Variants in GABRG3 observed in about 807,000 individuals in gnomAD.
The protein encoded by GABRG3 is gamma-aminobutyric acid type A receptor subunit gamma3.
Under a neutral mutation model 48.8 loss-of-function variants are expected in GABRG3, and 25 were observed. The ratio of observed to expected loss-of-function variants is 0.51; its 90% CI spans 0.37 to 0.72. The LOEUF (loss-of-function observed/expected upper bound fraction) is 0.72, where lower values mean the gene tolerates loss of function less well. Ranked by LOEUF, GABRG3 falls within the 30% of genes least tolerant of loss-of-function variation. The probability of loss-of-function intolerance (pLI) is 0.00; values close to 1 mark genes in which losing one functional copy is unlikely to be tolerated. For synonymous variants in GABRG3, 227 were observed against 217.6 expected, an observed-to-expected ratio of 1.04 and a Z score of -0.38; for missense variants, 394 against 577.9, an observed-to-expected ratio of 0.68 and a Z score of 3.26.
At chr15:27,247,966 C>T (rs1177841547) in intron 3 of GABRG3, among the ~76,000 whole-genome samples, 1 of 152,174 alleles carries the variant, frequency 6.6e-6, no homozygotes, top group Non-Finnish European at 1.5e-5. Context: ...CAGAGCCAAA[C>T]CATAACGCAT....
At chr15:27,316,387 C>CAAAAAAAA (rs749930128) in intron 3 of GABRG3, among the ~76,000 whole-genome samples, 17 of 41,342 alleles carry the variant, frequency 4.1e-4, no homozygotes, top group Non-Finnish European at 7.7e-4. Context: ...GACTCCGTCT[C>CAAAAAAAA]AAAAAAAAAA....
chr15:27,283,742 T>C (rs1251190006), intron 3 of GABRG3, among the ~76,000 whole-genome samples: 1 of 152,144 alleles, frequency 6.6e-6, no homozygotes, highest in Non-Finnish European at 1.5e-5. Context: ...CTGAGGCATA[T>C]GAGGCATAAA....
intron 5 of GABRG3, among the ~76,000 whole-genome samples, chr15:27,383,224 G>C (rs757756788): frequency 1.3e-5 from 2 of 152,168 alleles, no homozygotes; most frequent in African/African-American, 2.4e-5. Flanking sequence ...TTCATCTGAG[G>C]ATAGTACTTT....
intron 5 of GABRG3, among the ~76,000 whole-genome samples, chr15:27,356,480 C>T (rs1181871989): frequency 2.0e-5 from 3 of 152,160 alleles, no homozygotes; most frequent in African/African-American, 7.2e-5. Flanking sequence ...CTCTTCTCTT[C>T]AGACTAATCT....
intron 3 of GABRG3, among the ~76,000 whole-genome samples, chr15:27,200,373 A>G (rs988292401): frequency 1.3e-5 from 2 of 152,162 alleles, no homozygotes; most frequent in African/African-American, 2.4e-5. Flanking sequence ...CTCTTAAAAT[A>G]TATGCTTCCT....
chr15:27,515,717 A>G (rs558175130), intron 6 of GABRG3, among the ~76,000 whole-genome samples: 38 of 152,352 alleles, frequency 2.5e-4, no homozygotes, highest in Non-Finnish European at 3.1e-4. Context: ...GAAATGTGGT[A>G]TCTATGGCAT....
At chr15:27,253,126 C>T (rs1049628891) in intron 3 of GABRG3, among the ~76,000 whole-genome samples, 1 of 152,232 alleles carries the variant, frequency 6.6e-6, no homozygotes, top group African/African-American at 2.4e-5. Context: ...CTCATGTAGT[C>T]ACCGGGCTGC....
intron 3 of GABRG3, among the ~76,000 whole-genome samples, chr15:27,153,078 G>A (rs1055729234): frequency 1.3e-5 from 2 of 152,148 alleles, no homozygotes; most frequent in African/African-American, 4.8e-5. Context: ...GACCAGGATG[G>A]TCTCGATCTC....
At chr15:27,254,973 C>A (rs908606181) in intron 3 of GABRG3, among the ~76,000 whole-genome samples, 5 of 152,098 alleles carry the variant, frequency 3.3e-5, no homozygotes, top group Non-Finnish European at 7.4e-5. Context: ...CACAGCCGGC[C>A]CTGATACCCC....
chr15:27,396,535 C>T (rs2140581905), intron 5 of GABRG3, among the ~76,000 whole-genome samples: 1 of 152,268 alleles, frequency 6.6e-6, no homozygotes, highest in South Asian at 2.1e-4. Context: ...TGAGCTCTTA[C>T]ACATTTCCTC....
chr15:27,457,204 C>T lies in GABRG3; in HGVS notation c.575-23446C>T, dbSNP rs1889309789. On this transcript the variant is annotated intron_variant, in intron 5 of 9. Transcript: ENST00000615808. This position sits in a 1 kb window ranked among gnomAD's most constrained non-coding sequence, Gnocchi z 4.4. ...TGGACTGGGAGTGACTGCAAGGCTGCAAGAACTGCCCACGCTCCGACAGAT... is the reference window on the plus strand; with the variant it reads ...TGGACTGGGAGTGACTGCAAGGCTGTAAGAACTGCCCACGCTCCGACAGAT... Among the ~76,000 whole-genome samples, 4 of 152,268 alleles carry T rather than the reference C, an allele frequency of 2.6e-5. No homozygotes were observed. Among genetic ancestry groups the T allele is most frequent in the African/African-American group, 9.6e-5 (4 of 41,560 alleles).
Position 27,180,670 on chromosome 15 carries a change from C to T in GABRG3, c.271-146139C>T, listed in dbSNP as rs111267150. 8.5e-5 allele frequency among the ~76,000 whole-genome samples: 13 copies of T among 152,168 alleles called. No individual in the cohort carries two copies. Among genetic ancestry groups the T allele is most frequent in the Middle Eastern group, 3.4e-3 (1 of 294 alleles). ...GTCTGTGTGTGTTTGTGTGTGCACG[C>T]GCGCGCACCCCAGGTCAGTTCTAGC... On this transcript the variant is annotated intron_variant, in intron 3 of 9. Coordinates refer to ENST00000615808, the MANE Select transcript of GABRG3 (RefSeq NM_033223.5). This position sits in a 1 kb window ranked among gnomAD's most constrained non-coding sequence, Gnocchi z 4.2.
At chr15:27,243,362 C>T (rs1209284355) in intron 3 of GABRG3, among the ~76,000 whole-genome samples, 1 of 152,080 alleles carries the variant, frequency 6.6e-6, no homozygotes, top group African/African-American at 2.4e-5. Flanking sequence ...ATCTCACTTG[C>T]ATTTGGCAGA....
chr15:27,377,306 A>G (rs1029478181), intron 5 of GABRG3, among the ~76,000 whole-genome samples: 2 of 151,830 alleles, frequency 1.3e-5, no homozygotes, highest in Admixed American at 1.3e-4. Flanking sequence ...AACTGTTACA[A>G]CCTCTGCCTG....
intron 3 of GABRG3, among the ~76,000 whole-genome samples, chr15:27,156,208 A>C (rs1274509847): frequency 2.0e-5 from 3 of 146,850 alleles, no homozygotes; most frequent in African/African-American, 7.6e-5. Flanking sequence ...CTGAGGCAGG[A>C]GAATGGCATG....
At chr15:26,973,713 T>C (rs1355276264) in intron 1 of GABRG3, among the ~76,000 whole-genome samples, 1 of 152,216 alleles carries the variant, frequency 6.6e-6, no homozygotes, top group Non-Finnish European at 1.5e-5. Context: ...TTAACTGCTT[T>C]CTGAGGTTTA....
intron 3 of GABRG3, among the ~76,000 whole-genome samples, chr15:27,217,603 G>T (rs1595592495): frequency 6.6e-6 from 1 of 152,196 alleles, no homozygotes; most frequent in African/African-American, 2.4e-5. Flanking sequence ...TGTGGCCTCA[G>T]AATTTTGTAT....
At chr15:27,036,074 T>A (rs1209501767) in intron 3 of GABRG3, among the ~76,000 whole-genome samples, 4 of 152,188 alleles carry the variant, frequency 2.6e-5, no homozygotes, top group African/African-American at 9.6e-5. Context: ...AACACAGCAG[T>A]GAACGGAATT....
intron 3 of GABRG3, among the ~76,000 whole-genome samples, chr15:27,029,921 C>T (rs939849005): frequency 6.6e-5 from 10 of 152,088 alleles, no homozygotes; most frequent in Admixed American, 2.0e-4. Context: ...CTCACATTGC[C>T]GAGTGCATCA....
Sources: gnomAD v4.1 joint callset for allele counts (sites outside exome capture counted in the v4.1 genomes callset) on GRCh38, gnomAD v4.1.1 for gene constraint, Gnocchi (gnomAD v3.1) non-coding constraint, MANE v1.5 for transcripts, NCBI Gene and HGNC (gene_info 2026-07-23, HGNC 2026-07-21) for gene names.